SLC38A11: variants seen among roughly 807,000 people sequenced by gnomAD.
SLC38A11 encodes solute carrier family 38 member 11, also known as putative sodium-coupled neutral amino acid transporter 11.
In SLC38A11, 51 loss-of-function variants were observed where a neutral mutation model predicts 49.4. The ratio of observed to expected loss-of-function variants is 1.03; its 90% CI spans 0.83 to 1.30. SLC38A11 has a LOEUF of 1.30. Ranked by LOEUF, SLC38A11 falls within the 50% of genes most tolerant of loss-of-function variation. The pLI is 0.00. For synonymous variants in SLC38A11, 203 were observed against 192.9 expected (o/e 1.05, Z -0.43); for missense variants, 574 against 556.2 (o/e 1.03, Z -0.32).
chr2:164,905,028 T>G (rs1684898379), intron 11 of SLC38A11, among the ~76,000 whole-genome samples: 1 of 152,122 alleles, frequency 6.6e-6, no homozygotes, highest in Non-Finnish European at 1.5e-5. Flanking sequence ...ATCTGTCAAT[T>G]TAATATAGAT....
rs200563936 is a variant in SLC38A11, at chr2:164,937,427, G to C, written c.540C>G (p.Val180=). The C allele has an allele frequency of 1.1e-5, 18 of 1,599,548 alleles. No individual in the cohort carries two copies. In the African/African-American group the frequency reaches 2.4e-4, roughly 21 times the overall value. ...TTGTTAAACCTGTAGAGATGAGGGA[G>C]ACCTGTAAAAGAAAATACAAGGATA... ...LYRNIAKLGK[V]SLISTGLTTL... is the part of the protein sequence containing the mutation. Residue 180 remains valine (V), a splice_region_variant and synonymous_variant, in exon 7 of 12, where the codon GTC becomes GTG. Coordinates refer to ENST00000685975, the MANE Select transcript of SLC38A11 (RefSeq NM_001351537.2).
At chr2:164,918,660 GA>G (rs1178769694) in intron 7 of SLC38A11, among the ~76,000 whole-genome samples, 5 of 152,116 alleles carry the variant, frequency 3.3e-5, no homozygotes, top group Non-Finnish European at 7.4e-5. Context: ...TGTAATCATT[GA>G]AAAGATTGTG....
intron 11 of SLC38A11, among the ~76,000 whole-genome samples, chr2:164,899,796 G>T (rs140532475): frequency 1.8e-4 from 27 of 152,160 alleles, no homozygotes; most frequent in African/African-American, 5.8e-4. Context: ...CTTTGGTGAT[G>T]AGAGCAACTA....
At chr2:164,912,324 A>G (rs1041963753) in intron 9 of SLC38A11, 1 of 152,026 alleles carries the variant, frequency 6.6e-6, no homozygotes, top group African/African-American at 2.4e-5. Context: ...ATTTGCTGCC[A>G]ATTTGTACTG....
chr2:164,913,386 G>T (rs1255659482), intron 9 of SLC38A11, among the ~76,000 whole-genome samples: 3 of 152,022 alleles, frequency 2.0e-5, no homozygotes, highest in Non-Finnish European at 4.4e-5. Context: ...ATGTCGAGGA[G>T]AATCTAGAGT....
At chr2:164,901,467 A>C (rs1043458962) in intron 11 of SLC38A11, among the ~76,000 whole-genome samples, 1 of 152,094 alleles carries the variant, frequency 6.6e-6, no homozygotes, top group Non-Finnish European at 1.5e-5. Flanking sequence ...TTCAGTATAC[A>C]AATTTTTCAC....
chr2:164,953,103 G>A, intron 2 of SLC38A11: 1 of 256,244 alleles, frequency 3.9e-6, no homozygotes, highest in South Asian at 4.9e-5. Context: ...ACATAGCCCT[G>A]CAATATGTGG....
intron 6 of SLC38A11, among the ~76,000 whole-genome samples, chr2:164,938,755 G>A (rs13014827): frequency 0.069 from 10,467 of 152,144 alleles, 400 homozygotes; most frequent in Admixed American, 0.1. Context: ...AAAATAGAAT[G>A]TAAAAATATT....
intron 7 of SLC38A11, among the ~76,000 whole-genome samples, chr2:164,928,718 T>C (rs1276384687): frequency 6.6e-6 from 1 of 152,104 alleles, no homozygotes; most frequent in Non-Finnish European, 1.5e-5. Flanking sequence ...AGAATATTCA[T>C]GTTCTGAACC....
At position 164,939,652 on chromosome 2, in the gene SLC38A11, A is replaced by G. The variant is rs1193875450; in HGVS notation, c.431-96T>C. 5 of 640,942 alleles carry G rather than the reference A, an allele frequency of 7.8e-6. No individual in the cohort carries two copies. In the East Asian group the frequency reaches 1.5e-4, roughly 19 times the overall value. The allele number at this position is 640,942 out of a possible 1,614,324, so 39.7% of individuals were successfully genotyped here. A position where few individuals can be genotyped will look rare whatever the true frequency, so the allele number is the denominator to read the frequency against. On this transcript the variant is annotated intron_variant, in intron 5 of 11. Transcript: ENST00000685975. ...GCATTTAATTATAAAAATTACTTAA[A>G]CATAAATACTACCTCAATGACAATA...
chr2:164,942,409 G>C (rs1253174779), intron 5 of SLC38A11, among the ~76,000 whole-genome samples: 2 of 146,342 alleles, frequency 1.4e-5, no homozygotes, highest in African/African-American at 5.1e-5. Flanking sequence ...CTCTAGCCTG[G>C]GTGACAGAGT....
chr2:164,934,443 A>G (rs942491598), intron 7 of SLC38A11, among the ~76,000 whole-genome samples: 38 of 152,146 alleles, frequency 2.5e-4, no homozygotes, highest in African/African-American at 8.7e-4. Flanking sequence ...CAATGGCGAA[A>G]TAATGAATCC....
intron 7 of SLC38A11, among the ~76,000 whole-genome samples, chr2:164,934,189 T>G (rs1445410346): frequency 1.3e-5 from 2 of 152,044 alleles, no homozygotes; most frequent in African/African-American, 4.8e-5. Context: ...GCGAGCCCCT[T>G]AAAAGCAGAG....
chr2:164,904,968 T>C (rs555346121), intron 11 of SLC38A11, among the ~76,000 whole-genome samples: 1 of 152,292 alleles, frequency 6.6e-6, no homozygotes, highest in East Asian at 1.9e-4. Flanking sequence ...TTTTTACTTG[T>C]AACTAGTATG....
chr2:164,907,369 G>A (rs1305924767), intron 11 of SLC38A11, among the ~76,000 whole-genome samples: 4 of 143,602 alleles, frequency 2.8e-5, no homozygotes, highest in African/African-American at 1.0e-4. Flanking sequence ...TACCTCCTGG[G>A]CTCAAGCAAT....
chr2:164,937,459 G>A (rs369352669), intron 6 of SLC38A11, 30 bp from the exon 7 acceptor site: 3 of 1,279,522 alleles, frequency 2.3e-6, no homozygotes, highest in South Asian at 2.5e-5. Flanking sequence ...GATATTGCCG[G>A]TTTAGGACAG....
At chr2:164,954,812 A>G (rs1268613776) in intron 1 of SLC38A11, 67 bp from the exon 2 acceptor site, 1 of 710,248 alleles carries the variant, frequency 1.4e-6, no homozygotes, top group Non-Finnish European at 2.3e-6. Flanking sequence ...ACAAATATGT[A>G]ATGCAGGATA....
At chr2:164,936,352 T>G (rs937118587) in intron 7 of SLC38A11, among the ~76,000 whole-genome samples, 27 of 152,172 alleles carry the variant, frequency 1.8e-4, no homozygotes, top group Non-Finnish European at 3.5e-4. Context: ...GAAAATGAAT[T>G]AATTTTGCAA....
intron 3 of SLC38A11, among the ~76,000 whole-genome samples, chr2:164,946,799 G>A (rs1688141575): frequency 6.6e-6 from 1 of 151,984 alleles, no homozygotes; most frequent in South Asian, 2.1e-4. Flanking sequence ...ATATGGAAAT[G>A]CATTAAAATG....
Sources: gnomAD v4.1 joint callset for allele counts (sites outside exome capture counted in the v4.1 genomes callset) on GRCh38, gnomAD v4.1.1 for gene constraint, MANE v1.5 for transcripts, NCBI Gene and HGNC (gene_info 2026-07-23, HGNC 2026-07-21) for gene names.